Variants in EGFR observed in about 807,000 individuals in gnomAD.
EGFR encodes avian erythroblastic leukemia viral (v-erb-b) oncogene homolog.
EGFR carries 58 observed loss-of-function variants against 143.0 expected under a neutral mutation model. That is an observed-to-expected ratio of 0.41 (90% CI 0.33 to 0.50). The LOEUF is 0.50. Ranked by LOEUF, EGFR falls within the 20% of genes least tolerant of loss-of-function variation. The pLI, the probability that EGFR is intolerant of heterozygous loss-of-function variation, is 0.39. For missense variants in EGFR, 1,307 were observed against 1,579.0 expected (o/e 0.83, Z 2.92); for synonymous variants, 613 against 594.4 (o/e 1.03, Z -0.45).
At chr7:55,191,566 C>G (rs1186555817) in intron 20 of EGFR, among the ~76,000 whole-genome samples, 153 bp from the exon 21 acceptor site, 2 of 152,190 alleles carry the variant, frequency 1.3e-5, no homozygotes, top group Non-Finnish European at 2.9e-5. Context: ...ATGCGCCTTT[C>G]CATTCTTTGG....
chr7:55,036,290 G>T, intron 1 of EGFR, among the ~76,000 whole-genome samples: 1 of 121,528 alleles, frequency 8.2e-6, no homozygotes, highest in Non-Finnish European at 1.7e-5. Flanking sequence ...GGGGGTGGGT[G>T]TGTGTGTGTA....
In EGFR at chr7:55,019,065, C is replaced by G. The variant is rs1562641905; in HGVS notation, c.-213C>G. 1 of 273,312 alleles carries G rather than the reference C, an allele frequency of 3.7e-6. No homozygotes were observed. The highest frequency in any genetic ancestry group is 6.7e-6 in the Non-Finnish European group (1 of 148,966). 16.9% of individuals were successfully genotyped at this position (273,312 alleles called of 1,614,324 possible). Reference sequence around the variant, plus strand: ...CAGCGCGGCCGCAGCAGCCTCCGCCCCCCGCACGGTGTGAGCGCCCGACGC... The same window carrying G: ...CAGCGCGGCCGCAGCAGCCTCCGCCGCCCGCACGGTGTGAGCGCCCGACGC... On this transcript the variant is annotated 5_prime_UTR_variant, in exon 1 of 28. Coordinates refer to ENST00000275493, the MANE Select transcript of EGFR (RefSeq NM_005228.5).
chr7:55,033,422 G>T (rs1478560652), intron 1 of EGFR, among the ~76,000 whole-genome samples: 2 of 152,118 alleles, frequency 1.3e-5, no homozygotes, highest in African/African-American at 4.8e-5. Flanking sequence ...TGAACTCAGG[G>T]CCCCCTGGGG....
chr7:55,036,534 G>A (rs1787597447), intron 1 of EGFR, among the ~76,000 whole-genome samples: 1 of 152,014 alleles, frequency 6.6e-6, no homozygotes, highest in South Asian at 2.1e-4. Context: ...AATATATATG[G>A]TTCACCTGAA....
chr7:55,182,688 C>T (rs1490556696), intron 20 of EGFR, among the ~76,000 whole-genome samples: 1 of 152,148 alleles, frequency 6.6e-6, no homozygotes, highest in East Asian at 1.9e-4. Flanking sequence ...CCAGCATCAT[C>T]GGGCATTGAT....
chr7:55,181,266 C>T (rs1786852115), intron 19 of EGFR, 27 bp from the exon 20 acceptor site: 9 of 1,613,586 alleles, frequency 5.6e-6, no homozygotes, highest in Non-Finnish European at 7.6e-6. Flanking sequence ...TGCGAAGCCA[C>T]ACTGACGTGC....
intron 5 of EGFR, 179 bp from the exon 6 acceptor site, chr7:55,152,361 ATAAATC>A: frequency 1.3e-6 from 1 of 769,038 alleles, no homozygotes; most frequent in South Asian, 1.4e-5. Context: ...GTGATTAAAA[ATAAATC>A]AGGAGAAAAA....
At chr7:55,108,711 G>A (rs1195948484) in intron 1 of EGFR, among the ~76,000 whole-genome samples, 2 of 152,104 alleles carry the variant, frequency 1.3e-5, no homozygotes. Context: ...ACCAAAATTC[G>A]ATTTAATCTG....
intron 1 of EGFR, among the ~76,000 whole-genome samples, chr7:55,131,901 G>C (rs1022703362): frequency 6.6e-6 from 1 of 150,832 alleles, no homozygotes; most frequent in Non-Finnish European, 1.5e-5. Flanking sequence ...GTGCTGCAGA[G>C]GTCAAAGGGA....
intron 1 of EGFR, among the ~76,000 whole-genome samples, chr7:55,046,727 C>G (rs1214045520): frequency 1.3e-5 from 2 of 152,182 alleles, no homozygotes; most frequent in African/African-American, 4.8e-5. Flanking sequence ...TTGCCACAAC[C>G]CACAATTGCT....
chr7:55,052,156 T>C (rs546168231), intron 1 of EGFR, among the ~76,000 whole-genome samples: 7 of 152,294 alleles, frequency 4.6e-5, no homozygotes, highest in African/African-American at 1.7e-4. Flanking sequence ...TGGGCTTTAG[T>C]TTTCCCTTAT....
intron 13 of EGFR, among the ~76,000 whole-genome samples, chr7:55,162,151 A>G (rs1168418815): frequency 2.0e-5 from 3 of 152,252 alleles, no homozygotes; most frequent in Admixed American, 6.5e-5. Context: ...TGTTTGTTGA[A>G]TTTAGTTGCA....
At chr7:55,165,778 T>C (rs1468542162) in intron 15 of EGFR, among the ~76,000 whole-genome samples, 1 of 152,212 alleles carries the variant, frequency 6.6e-6, no homozygotes, top group Non-Finnish European at 1.5e-5. Context: ...AAGGTTAACA[T>C]GGGGATTAGC....
intron 1 of EGFR, among the ~76,000 whole-genome samples, chr7:55,041,846 A>G (rs916326624): frequency 1.3e-5 from 2 of 152,234 alleles, no homozygotes; most frequent in African/African-American, 2.4e-5. Context: ...GTTTAAAAGT[A>G]CTGTTTAAGG....
intron 24 of EGFR, 73 bp from the exon 25 acceptor site, chr7:55,201,115 C>T (rs2128971321): frequency 1.2e-6 from 2 of 1,600,690 alleles, no homozygotes; most frequent in Non-Finnish European, 1.7e-6. Flanking sequence ...GCAATAGACC[C>T]CTGCTCCTAT....
At chr7:55,199,137 C>A (rs531030042) in intron 23 of EGFR, among the ~76,000 whole-genome samples, 2 of 152,214 alleles carry the variant, frequency 1.3e-5, no homozygotes, top group African/African-American at 4.8e-5. Flanking sequence ...ATATTCTATT[C>A]GCTGAGTTAC....
chr7:55,172,105 C>A (rs17290274), intron 16 of EGFR, among the ~76,000 whole-genome samples: 6,258 of 152,258 alleles, frequency 0.041, 128 homozygotes, highest in Middle Eastern at 0.11. Flanking sequence ...CTCCACACTG[C>A]AATCTCAGGG....
At chr7:55,169,749 T>A (rs1434626214) in intron 15 of EGFR, among the ~76,000 whole-genome samples, 1 of 152,148 alleles carries the variant, frequency 6.6e-6, no homozygotes, top group Non-Finnish European at 1.5e-5. Flanking sequence ...TGCAGCCCCG[T>A]CCTGCCACTG....
At chr7:55,125,596 A>C (rs1793476325) in intron 1 of EGFR, among the ~76,000 whole-genome samples, 1 of 152,214 alleles carries the variant, frequency 6.6e-6, no homozygotes, top group Non-Finnish European at 1.5e-5. Context: ...ATGTAATTAA[A>C]CTGTCTGTTT....
Sources: gnomAD v4.1 joint callset for allele counts (sites outside exome capture counted in the v4.1 genomes callset) on GRCh38, gnomAD v4.1.1 for gene constraint, MANE v1.5 for transcripts, NCBI Gene and HGNC (gene_info 2026-07-23, HGNC 2026-07-21) for gene names.